FCGR2B: variants seen among roughly 807,000 people sequenced by gnomAD.
FCGR2B encodes the protein low affinity immunoglobulin gamma Fc region receptor II-b.
Under a neutral mutation model 24.8 loss-of-function variants are expected in FCGR2B, and 18 were observed. The ratio of observed to expected loss-of-function variants is 0.73; its 90% CI spans 0.50 to 1.08. The LOEUF is 1.08. Ranked by LOEUF, FCGR2B falls within the 50% of genes least tolerant of loss-of-function variation. The probability of loss-of-function intolerance (pLI) is 0.00; values close to 1 mark genes in which losing one functional copy is unlikely to be tolerated. For synonymous variants in FCGR2B, 79 were observed against 109.8 expected (o/e 0.72, Z 1.75); for missense variants, 215 against 297.6 (o/e 0.72, Z 2.04).
At position 161,677,330 on chromosome 1, in the gene FCGR2B, A is replaced by T; in HGVS notation, c.820A>T (p.Asn274Tyr). ...MGETLPEKPA[N>Y]PTNPDEADKV... Reference sequence around the variant, plus strand: ...GATATTTCTTCTTTTTCCCACAGCCAATCCCACTAATCCTGATGAGGCTGA... The same window carrying T: ...GATATTTCTTCTTTTTCCCACAGCCTATCCCACTAATCCTGATGAGGCTGA... The change falls in exon 7 of 8, where the codon AAT becomes TAT. Residue 274 changes from asparagine to tyrosine, a missense_variant and splice_region_variant. Around this residue, in one of 5 missense-constraint regions of FCGR2B, gnomAD observed 81 missense variants for 81.6 expected, o/e 0.99. Transcript: ENST00000358671. 1 of 1,613,818 alleles carries T rather than the reference A, an allele frequency of 6.2e-7. No individual in the cohort carries two copies. The highest frequency in any genetic ancestry group is 8.5e-7 in the Non-Finnish European group (1 of 1,179,872).
chr1:161,653,392 C>G, the FCGR2B span, among the ~76,000 whole-genome samples: 1 of 128,560 alleles, frequency 7.8e-6, no homozygotes, highest in African/African-American at 2.6e-5. Flanking sequence ...GGTGACAGAG[C>G]AAGACTCCAT....
the FCGR2B span, among the ~76,000 whole-genome samples, chr1:161,647,799 A>G: frequency 6.6e-6 from 1 of 151,106 alleles, no homozygotes; most frequent in East Asian, 1.9e-4. Flanking sequence ...CCCAGAAGAA[A>G]TAAAACAAAT....
At position 161,676,997 on chromosome 1, in the gene FCGR2B, A is replaced by C. The variant is rs939151827; in HGVS notation, c.818-331A>C. ...ACTTTACTTCACTCTGATGCTGAACACCCCCCTCCCCCACCTCTTCCCCAA... is the reference window on the plus strand; with the variant it reads ...ACTTTACTTCACTCTGATGCTGAACCCCCCCCTCCCCCACCTCTTCCCCAA... On this transcript the variant is annotated intron_variant, in intron 6 of 7. Coordinates refer to ENST00000358671, the MANE Select transcript of FCGR2B (RefSeq NM_001394477.1). 2.4e-5 allele frequency: 10 copies of C among 409,010 alleles called. No individual in the cohort carries two copies. The Admixed American group carries it at 4.3e-4, about 17-fold the overall frequency. The allele number at this position is 409,010 out of a possible 1,614,324, so 25.3% of individuals were successfully genotyped here. A position where few individuals can be genotyped will look rare whatever the true frequency, so the allele number is the denominator to read the frequency against.
chr1:161,671,420 C>T lies in FCGR2B; in HGVS notation c.162C>T (p.Leu54=), dbSNP rs181249089. 112 of 1,614,170 alleles carry T rather than the reference C, an allele frequency of 6.9e-5. No individual in the cohort carries two copies. The highest frequency in any genetic ancestry group is 5.3e-4 in the South Asian group (48 of 91,076). ...CTCCCCCAAAGGCTGTGCTGAAACT[C>T]GAGCCCCAGTGGATCAACGTGCTCC... ...PAAPPKAVLK[L]EPQWINVLQE... The change falls in exon 3 of 8, where the codon CTC becomes CTT. Residue 54 remains leucine (L), a synonymous_variant. Transcript: ENST00000358671.
intron 6 of FCGR2B, 103 bp downstream of exon 6, chr1:161,675,416 G>A (rs1682034051): frequency 3.8e-6 from 3 of 783,084 alleles, no homozygotes; most frequent in Non-Finnish European, 4.0e-6. Flanking sequence ...TGGGAGCCAG[G>A]GAGGGAGCAG....
chr1:161,677,387 C>T, intron 7 of FCGR2B, 22 bp downstream of exon 7: 1 of 1,612,390 alleles, frequency 6.2e-7, no homozygotes, highest in East Asian at 2.2e-5. Flanking sequence ...CAGCCATCTC[C>T]CCCTCCCTTC....
chr1:161,650,065 T>C, the FCGR2B span, among the ~76,000 whole-genome samples: 1 of 150,522 alleles, frequency 6.6e-6, no homozygotes, highest in African/African-American at 2.5e-5. Flanking sequence ...TGGAGTGCAG[T>C]GGCATGATCT....
rs1194821173 is a variant in FCGR2B at position 161,677,736 on chromosome 1, C to T, written c.*183C>T. 22 of 580,174 alleles carry T rather than the reference C, an allele frequency of 3.8e-5. No individual in the cohort carries two copies. The highest frequency in any genetic ancestry group is 4.2e-5 in the Non-Finnish European group (14 of 330,418). 35.9% of individuals were successfully genotyped at this position (580,174 alleles called of 1,614,324 possible). ...TCCTGAAAGCCACAGACAATATGGT[C>T]CCAAATAACCGACTGCACCTTCTGT... On this transcript the variant is annotated 3_prime_UTR_variant, in exon 8 of 8. Coordinates refer to ENST00000358671, the MANE Select transcript of FCGR2B (RefSeq NM_001394477.1).
At chr1:161,661,212 A>C (rs190017640), upstream of FCGR2B, among the ~76,000 whole-genome samples, 6,693 of 101,506 alleles carry the variant, frequency 0.066, 895 homozygotes, top group Non-Finnish European at 0.095. Flanking sequence ...GAAAGAAAGA[A>C]AGAAAGAAAG....
intron 2 of FCGR2B, 99 bp from the exon 3 acceptor site, chr1:161,671,293 C>T: frequency 1.3e-6 from 2 of 1,586,636 alleles, no homozygotes; most frequent in East Asian, 2.3e-5. Context: ...CTTTTGGTGC[C>T]CCTAGTAGGC....
chr1:161,647,666 A>T, the FCGR2B span, among the ~76,000 whole-genome samples: 1 of 150,670 alleles, frequency 6.6e-6, no homozygotes, highest in East Asian at 1.9e-4. Context: ...GCATTAAACC[A>T]CTCAGATCTC....
rs532333115 is a variant in FCGR2B, at chr1:161,673,514, G to A, written c.646+285G>A. ...GCAGAGCTCCCTCGTTGGTGCAGAGGTTCCCTAAGCTCCTGGGCATTCCTA... is the reference window on the plus strand; with the variant it reads ...GCAGAGCTCCCTCGTTGGTGCAGAGATTCCCTAAGCTCCTGGGCATTCCTA... On this transcript the variant is annotated intron_variant, in intron 4 of 7. Transcript: ENST00000358671. The A allele has an allele frequency of 2.4e-4, 175 of 727,224 alleles. 2 individuals carry two copies. In the East Asian group the frequency reaches 4.6e-3, roughly 19 times the overall value. The allele number at this position is 727,224 out of a possible 1,614,324, so 45.0% of individuals were successfully genotyped here.
chr1:161,671,506 A>T lies in FCGR2B; in HGVS notation c.248A>T (p.Gln83Leu). 1.2e-6 allele frequency: 2 copies of T among 1,614,130 alleles called. No homozygotes were observed. The highest frequency in any genetic ancestry group is 1.7e-6 in the Non-Finnish European group (2 of 1,180,018). Residue 83 changes from glutamine to leucine, a missense_variant, in exon 3 of 8, where the codon CAG becomes CTG. By Grantham distance (113) the Gln-to-Leu change is moderately radical (BLOSUM62 -2). Around this residue, in one of 5 missense-constraint regions of FCGR2B, gnomAD observed 77 missense variants for 68.8 expected, o/e 1.12. Transcript: ENST00000358671. ...GTHSPESDSI[Q>L]WFHNGNLIPT... ...CACAGCCCTGAGAGCGACTCCATTC[A>T]GTGGTTCCACAATGGGAATCTCATT...
In FCGR2B at chr1:161,677,472, C is replaced by T. The variant is rs1373632115; in HGVS notation, c.856-4C>T. 3 of 1,613,604 alleles carry T rather than the reference C, an allele frequency of 1.9e-6. No individual in the cohort carries two copies. The highest frequency in any genetic ancestry group is 2.7e-5 in the African/African-American group (2 of 74,894). The stretch of plus-strand genomic sequence containing the variant: ...TCCTTACTGCTGGTTTCTGCCTTCT[C>T]TAGGCTGAGAACACAATCACCTATT... On this transcript the variant is annotated splice_polypyrimidine_tract_variant and splice_region_variant and intron_variant, in intron 7 of 7. Coordinates refer to ENST00000358671, the MANE Select transcript of FCGR2B (RefSeq NM_001394477.1).
At chr1:161,651,970 TAAAA>T in the FCGR2B span, among the ~76,000 whole-genome samples, 1 of 124,362 alleles carries the variant, frequency 8.0e-6, no homozygotes, top group Non-Finnish European at 1.8e-5. Context: ...TAAAATAAAA[TAAAA>T]TAAAGATCTA....
chr1:161,661,251 AAAGAAAGAAAGGAAGG>A (rs1681064707), upstream of FCGR2B, among the ~76,000 whole-genome samples: 8 of 52,742 alleles, frequency 1.5e-4, 2 homozygotes, highest in African/African-American at 5.6e-4. Context: ...AGAAAGAAAG[AAAGAAAGAAAGGAAGG>A]AAGCAAGAAA....
At chr1:161,675,460 G>A in intron 6 of FCGR2B, 147 bp downstream of exon 6, 1 of 573,732 alleles carries the variant, frequency 1.7e-6, no homozygotes, top group Non-Finnish European at 3.1e-6. Context: ...AAATCGCTTG[G>A]TCAGCTCTTA....
At chr1:161,667,976 TA>T (rs1270164337) in intron 1 of FCGR2B, among the ~76,000 whole-genome samples, 3 of 36,104 alleles carry the variant, frequency 8.3e-5, no homozygotes, top group East Asian at 1.9e-3. Flanking sequence ...AGTGAACTTA[TA>T]AAAAAAAACT....
chr1:161,649,609 G>A, the FCGR2B span, among the ~76,000 whole-genome samples: 1 of 150,628 alleles, frequency 6.6e-6, no homozygotes, highest in East Asian at 1.9e-4. Context: ...TTAAAGGCTT[G>A]TTTCAGCCCT....
Sources: gnomAD v4.1 joint callset for allele counts (sites outside exome capture counted in the v4.1 genomes callset) on GRCh38, gnomAD v4.1.1 for gene constraint, gnomAD v4.1.1 regional missense constraint, MANE v1.5 for transcripts, NCBI Gene and HGNC (gene_info 2026-07-23, HGNC 2026-07-21) for gene names.